PRDM10: variants seen among roughly 807,000 people sequenced by gnomAD.
PRDM10 encodes PR/SET domain 10.
A neutral mutation model predicts 133.1 loss-of-function variants in PRDM10; 65 were observed. The ratio of observed to expected loss-of-function variants is 0.49; its 90% confidence interval spans 0.40 to 0.60. The LOEUF (loss-of-function observed/expected upper bound fraction) is 0.60, where lower values mean the gene tolerates loss of function less well. Among genes scored for constraint, PRDM10 ranks in the 20% least tolerant of loss-of-function variants. The probability of loss-of-function intolerance (pLI) is 0.00; values close to 1 mark genes in which losing one functional copy is unlikely to be tolerated. For missense variants in PRDM10, 1,137 were observed against 1,507.1 expected (o/e 0.75, Z 4.07); for synonymous variants, 582 against 580.4 (o/e 1.00, Z -0.04).
intron 4 of PRDM10, among the ~76,000 whole-genome samples, chr11:129,949,373 G>C (rs1951518704): frequency 1.3e-5 from 2 of 152,190 alleles, no homozygotes; most frequent in African/African-American, 4.8e-5. Context: ...AGAGTGTATA[G>C]CATTTAGTAA....
Position 129,923,295 on chromosome 11 carries a change from A to T in PRDM10, c.1987T>A (p.Ser663Thr), listed in dbSNP as rs770850488. 2.5e-6 allele frequency: 4 copies of T among 1,602,018 alleles called. No individual in the cohort carries two copies. The highest frequency in any genetic ancestry group is 3.4e-6 in the Non-Finnish European group (4 of 1,174,006). The change falls in exon 13 of 21, where the codon TCG (serine) becomes ACG (threonine). Residue 663 changes from serine (S) to threonine (T), a missense_variant. This residue lies in a region of PRDM10 where 78 missense variants were observed against 96.4 expected (regional missense o/e 0.81). Transcript: ENST00000360871. The surrounding 1 kb of genome is among the most constrained non-coding windows in gnomAD (Gnocchi z 4.4). ...GAACACAGGAAGTCTTTGCGGTCCG[A>T]ATGCCGGAGCATGTGGAGTCGCAGT... Reference protein sequence around the residue: ...DKLRLHMLRHSDRKDFLCSTC... With the variant: ...DKLRLHMLRHTDRKDFLCSTC...
At chr11:130,002,147 G>T (rs1188642569) in intron 1 of PRDM10, among the ~76,000 whole-genome samples, 14 of 149,398 alleles carry the variant, frequency 9.4e-5, no homozygotes, top group African/African-American at 3.4e-4. Flanking sequence ...CCCGGCGCCC[G>T]GCCCCCAGCC....
At chr11:129,928,428 T>G (rs549777902) in intron 11 of PRDM10, among the ~76,000 whole-genome samples, 160 of 145,592 alleles carry the variant, frequency 1.1e-3, no homozygotes, top group African/African-American at 3.8e-3. Flanking sequence ...CTCACTCCAT[T>G]GCCCAGGCTG....
At position 129,947,211 on chromosome 11, in the gene PRDM10, C is replaced by T. The variant is rs1163033504; in HGVS notation, c.454G>A (p.Gly152Ser). Residue 152 changes from glycine (G) to serine (S), a missense_variant, in exon 5 of 21, where the codon GGT becomes AGT. Gly to Ser is a moderately conservative substitution (Grantham distance 56, BLOSUM62 0). Around this residue, in one of 6 missense-constraint regions of PRDM10, gnomAD observed 635 missense variants for 835.2 expected, o/e 0.76. Coordinates refer to ENST00000360871, the MANE Select transcript of PRDM10 (RefSeq NM_199437.2). The surrounding 1 kb of genome is among the most constrained non-coding windows in gnomAD (Gnocchi z 4.6). Reference protein sequence around the residue: ...EDTEEDEEEDGEDTDLDDWEP... With the variant: ...EDTEEDEEEDSEDTDLDDWEP... Reference sequence around the variant, plus strand: ...CAGTCATCCAGATCCGTGTCCTCACCGTCTTCTTCCTCATCTTCCTCAGTG... The same window carrying T: ...CAGTCATCCAGATCCGTGTCCTCACTGTCTTCTTCCTCATCTTCCTCAGTG... 5.0e-6 allele frequency: 8 copies of T among 1,614,150 alleles called. No individual in the cohort carries two copies. The highest frequency in any genetic ancestry group is 1.6e-4 in the Middle Eastern group (1 of 6,062).
intron 15 of PRDM10, 77 bp from the exon 16 acceptor site, chr11:129,915,937 T>C: frequency 7.2e-7 from 1 of 1,397,432 alleles, no homozygotes; most frequent in South Asian, 1.4e-5. Flanking sequence ...ACAATTTCAT[T>C]ATAAGAAAAT....
At chr11:129,944,219 A>G (rs1397255064) in intron 6 of PRDM10, among the ~76,000 whole-genome samples, 1 of 152,142 alleles carries the variant, frequency 6.6e-6, no homozygotes, top group African/African-American at 2.4e-5. Flanking sequence ...TGAGCCTCCC[A>G]GTCTGTGGTA....
chr11:129,990,522 CAAAA>C (rs59217112), intron 1 of PRDM10, among the ~76,000 whole-genome samples: 13 of 67,078 alleles, frequency 1.9e-4, no homozygotes, highest in South Asian at 1.3e-3. Flanking sequence ...ACTTTGTCTC[CAAAA>C]AAAAAAAAAA....
At chr11:129,928,705 C>G (rs1353100405) in intron 11 of PRDM10, among the ~76,000 whole-genome samples, 2 of 152,094 alleles carry the variant, frequency 1.3e-5, no homozygotes, top group African/African-American at 2.4e-5. Flanking sequence ...GTTTTGGGGT[C>G]TTTTAAACAA....
intron 1 of PRDM10, among the ~76,000 whole-genome samples, chr11:129,994,776 C>T (rs879570474): frequency 1.3e-5 from 2 of 151,880 alleles, no homozygotes; most frequent in Non-Finnish European, 2.9e-5. Flanking sequence ...CTCATCCTCC[C>T]GAGTAGCTGG....
intron 1 of PRDM10, among the ~76,000 whole-genome samples, chr11:129,986,096 C>T (rs1938427650): frequency 6.6e-6 from 1 of 150,604 alleles, no homozygotes; most frequent in Non-Finnish European, 1.5e-5. Flanking sequence ...TAGATCTCCT[C>T]CTCGCCCTGT....
At chr11:129,989,465 A>G (rs954982818) in intron 1 of PRDM10, among the ~76,000 whole-genome samples, 2 of 152,210 alleles carry the variant, frequency 1.3e-5, no homozygotes, top group African/African-American at 4.8e-5. Flanking sequence ...ACCCTGTTTC[A>G]CCCATGCACC....
In PRDM10 at chr11:129,947,623, G is replaced by A; in HGVS notation, c.295-253C>T. 1 of 1,271,970 alleles carries A rather than the reference G, an allele frequency of 7.9e-7. No homozygotes were observed. Among genetic ancestry groups the A allele is most frequent in the South Asian group, 1.6e-5 (1 of 61,234 alleles). The allele number at this position is 1,271,970 out of a possible 1,614,324, so 78.8% of individuals were successfully genotyped here. On this transcript the variant is annotated intron_variant, in intron 4 of 20. Coordinates refer to ENST00000360871, the MANE Select transcript of PRDM10 (RefSeq NM_199437.2). This position sits in a 1 kb window ranked among gnomAD's most constrained non-coding sequence, Gnocchi z 4.6. ...CTTCTGTCCCACACCTGGGAGGGCT[G>A]CTAAGAAGGCTCAGGTGCTCCCTCC...
intron 1 of PRDM10, among the ~76,000 whole-genome samples, chr11:129,964,308 TATTTTA>T (rs1190554179): frequency 3.3e-5 from 5 of 152,334 alleles, no homozygotes; most frequent in South Asian, 2.1e-4. Context: ...TTATTTCTTC[TATTTTA>T]ATTTTATTTG....
At chr11:129,941,119 A>G (rs1951190790) in intron 7 of PRDM10, among the ~76,000 whole-genome samples, 1 of 152,208 alleles carries the variant, frequency 6.6e-6, no homozygotes, top group African/African-American at 2.4e-5. Context: ...CCTTTTGAAC[A>G]AAATCCAGGA....
In PRDM10 at chr11:129,987,861, C is replaced by T. The variant is rs7938633; in HGVS notation, c.-119+14861G>A. Among the ~76,000 whole-genome samples, 726 of 152,186 alleles carry T rather than the reference C, an allele frequency of 4.8e-3. 7 individuals are homozygous for T. The highest frequency in any genetic ancestry group is 0.016 in the African/African-American group (683 of 41,512). On this transcript the variant is annotated intron_variant, in intron 1 of 20. Coordinates refer to ENST00000360871, the MANE Select transcript of PRDM10 (RefSeq NM_199437.2). ...TAAAAAACACAAAAAATTAACTGGG[C>T]GCAGTGGCAGGTGCCTGTAGTTCCA...
At position 129,914,903 on chromosome 11, in the gene PRDM10, G is replaced by A; in HGVS notation, c.2642C>T (p.Thr881Ile). The A allele has an allele frequency of 6.2e-7, 1 of 1,614,182 alleles. No individual in the cohort carries two copies. The highest frequency in any genetic ancestry group is 1.1e-5 in the South Asian group (1 of 91,074). Reference sequence around the variant, plus strand: ...CACAGTCTCTCCAGTGGCGCTGTCTGTAGTCAAAACCGCTGGGGTGGCACT... The same window carrying A: ...CACAGTCTCTCCAGTGGCGCTGTCTATAGTCAAAACCGCTGGGGTGGCACT... Reference protein sequence around the residue: ...VISATPAVLTTDSATGETVVT... With the variant: ...VISATPAVLTIDSATGETVVT... The change falls in exon 17 of 21, where the codon ACA (threonine) becomes ATA (isoleucine). Residue 881 changes from threonine (T) to isoleucine (I), a missense_variant. Physicochemically the swap from Thr to Ile is moderately conservative, Grantham distance 89. Around this residue, in one of 6 missense-constraint regions of PRDM10, gnomAD observed 113 missense variants for 143.7 expected, o/e 0.79. Coordinates refer to ENST00000360871, the MANE Select transcript of PRDM10 (RefSeq NM_199437.2).
intron 1 of PRDM10, among the ~76,000 whole-genome samples, chr11:130,002,126 G>A (rs1939434531): frequency 6.7e-6 from 1 of 150,054 alleles, no homozygotes; most frequent in Non-Finnish European, 1.5e-5. Flanking sequence ...TGCCCGCACT[G>A]CCACCCCCAG....
intron 1 of PRDM10, among the ~76,000 whole-genome samples, chr11:129,974,490 A>G (rs1468881889): frequency 1.3e-5 from 2 of 152,182 alleles, no homozygotes; most frequent in African/African-American, 4.8e-5. Flanking sequence ...AGTGAACAGA[A>G]TAAGTAGAAG....
At chr11:129,912,752 G>A (rs547273294) in intron 17 of PRDM10, among the ~76,000 whole-genome samples, 2,059 of 96,558 alleles carry the variant, frequency 0.021, 49 homozygotes, top group African/African-American at 0.074. Context: ...ACTCCATCTC[G>A]AAAAAAAAAA....
Sources: gnomAD v4.1 joint callset for allele counts (sites outside exome capture counted in the v4.1 genomes callset) on GRCh38, gnomAD v4.1.1 for gene constraint, gnomAD v4.1.1 regional missense constraint, Gnocchi (gnomAD v3.1) non-coding constraint, MANE v1.5 for transcripts, NCBI Gene and HGNC (gene_info 2026-07-23, HGNC 2026-07-21) for gene names.